Variants in SPMIP7 observed in about 807,000 individuals in gnomAD.
SPMIP7 encodes sperm microtubule inner protein 7, also known as protein SPMIP7.
chr7:50,158,447 C>A, the SPMIP7 span, among the ~76,000 whole-genome samples: 4 of 148,264 alleles, frequency 2.7e-5, no homozygotes, highest in Non-Finnish European at 1.5e-5. Flanking sequence ...GAGGCCCGGG[C>A]CCCTCCCACC....
chr7:50,148,894 C>T, the SPMIP7 span, among the ~76,000 whole-genome samples: 1 of 152,290 alleles, frequency 6.6e-6, no homozygotes, highest in African/African-American at 2.4e-5. Context: ...CGTCTGTAAT[C>T]CCAGCACTTT....
At chr7:50,141,112 T>C in the SPMIP7 span, among the ~76,000 whole-genome samples, 60 of 152,244 alleles carry the variant, frequency 3.9e-4, 1 homozygote, top group Non-Finnish European at 1.3e-4. Context: ...AAATTATCTT[T>C]ATATTTTTTA....
the SPMIP7 span, among the ~76,000 whole-genome samples, chr7:50,152,685 T>TTTAG: frequency 1.3e-5 from 2 of 150,712 alleles, no homozygotes; most frequent in Non-Finnish European, 3.0e-5. Flanking sequence ...TATTTATTTA[T>TTTAG]TTATTTATTT....
the SPMIP7 span, chr7:50,141,463 G>A: frequency 1.1e-6 from 1 of 943,884 alleles, no homozygotes; most frequent in Non-Finnish European, 1.7e-6. Context: ...TACCATAAAT[G>A]AAGGAATTTA....
the SPMIP7 span, among the ~76,000 whole-genome samples, chr7:50,127,736 A>T: frequency 1.3e-5 from 2 of 151,710 alleles, no homozygotes; most frequent in Admixed American, 6.6e-5. Context: ...CACCAATCAG[A>T]GAAATGCACA....
the SPMIP7 span, among the ~76,000 whole-genome samples, chr7:50,124,837 G>A: frequency 3.9e-5 from 6 of 152,050 alleles, no homozygotes; most frequent in Admixed American, 6.6e-5. Context: ...GGTGGCTCAC[G>A]CCTGTAATCC....
the SPMIP7 span, among the ~76,000 whole-genome samples, chr7:50,150,086 C>A: frequency 2.0e-5 from 3 of 152,172 alleles, no homozygotes; most frequent in African/African-American, 7.2e-5. Flanking sequence ...CTTTCAGGAG[C>A]AACTCCTATA....
the SPMIP7 span, chr7:50,136,164 T>G: frequency 4.0e-3 from 6,243 of 1,547,880 alleles, 23 homozygotes; most frequent in Non-Finnish European, 4.9e-3. Context: ...ACCAATTAAT[T>G]TGTAAGTTTT....
the SPMIP7 span, among the ~76,000 whole-genome samples, chr7:50,157,487 A>G: frequency 3.9e-5 from 6 of 152,104 alleles, no homozygotes; most frequent in African/African-American, 4.8e-5. Flanking sequence ...TTGCCTTCCC[A>G]CCTCTGCAGC....
chr7:50,141,145 G>A, the SPMIP7 span: 5 of 567,186 alleles, frequency 8.8e-6, no homozygotes, highest in Non-Finnish European at 1.6e-5. Context: ...CTATCATTAT[G>A]CTTTACATTT....
the SPMIP7 span, chr7:50,141,372 T>C: frequency 2.6e-6 from 4 of 1,549,032 alleles, no homozygotes; most frequent in Non-Finnish European, 3.5e-6. Context: ...TAAGCCTCTT[T>C]ATACAAACAC....
chr7:50,154,631 G>A, the SPMIP7 span, among the ~76,000 whole-genome samples: 7 of 152,184 alleles, frequency 4.6e-5, no homozygotes, highest in Non-Finnish European at 8.8e-5. Flanking sequence ...AACAGACATC[G>A]AGGTTGTGTC....
At chr7:50,112,571 C>T in the SPMIP7 span, among the ~76,000 whole-genome samples, 8 of 152,160 alleles carry the variant, frequency 5.3e-5, no homozygotes, top group South Asian at 2.1e-4. Context: ...GATGAAGTAA[C>T]GGGCACTCAA....
At chr7:50,158,184 C>T in the SPMIP7 span, among the ~76,000 whole-genome samples, 11 of 150,170 alleles carry the variant, frequency 7.3e-5, no homozygotes, top group East Asian at 2.0e-4. Context: ...TCTCCCAGCC[C>T]CTAGGTGAGG....
the SPMIP7 span, among the ~76,000 whole-genome samples, chr7:50,099,145 T>C: frequency 6.6e-6 from 1 of 152,228 alleles, no homozygotes; most frequent in Non-Finnish European, 1.5e-5. Context: ...TCCTTCAGGT[T>C]CACTCCTGTT....
chr7:50,140,041 C>T, the SPMIP7 span: 2 of 782,956 alleles, frequency 2.6e-6, no homozygotes, highest in East Asian at 6.3e-5. Flanking sequence ...TATGAGATAT[C>T]TGTGAAGGCT....
chr7:50,112,074 A>G, the SPMIP7 span, among the ~76,000 whole-genome samples: 3 of 152,166 alleles, frequency 2.0e-5, no homozygotes, highest in Non-Finnish European at 4.4e-5. Flanking sequence ...CAAATCAGTG[A>G]CAAAAAATAA....
the SPMIP7 span, among the ~76,000 whole-genome samples, chr7:50,134,898 A>G: frequency 1.3e-5 from 2 of 152,126 alleles, no homozygotes; most frequent in African/African-American, 4.8e-5. Context: ...AATAAAATCC[A>G]CACTCCTTGA....
chr7:50,107,099 G>A, the SPMIP7 span, among the ~76,000 whole-genome samples: 1 of 150,090 alleles, frequency 6.7e-6, no homozygotes, highest in African/African-American at 2.5e-5. Flanking sequence ...TATCCAGGTG[G>A]GGTGGCACAT....
Sources: allele counts gnomAD v4.1 joint callset (sites outside exome capture counted in the v4.1 genomes callset), GRCh38; gene constraint gnomAD v4.1.1; transcripts MANE v1.5; gene names NCBI Gene and HGNC (gene_info 2026-07-23, HGNC 2026-07-21).